Variants in EDIL3 observed in about 807,000 individuals in gnomAD.
EDIL3 encodes EGF-like repeat and discoidin I-like domain-containing protein 3.
Under a neutral mutation model 67.4 loss-of-function variants are expected in EDIL3, and 37 were observed. That is an observed-to-expected ratio of 0.55 (90% CI 0.42 to 0.72). The LOEUF is 0.72. Among genes scored for constraint, EDIL3 ranks in the 30% least tolerant of loss-of-function variants. EDIL3 has a pLI of 0.00. For missense variants in EDIL3, 527 were observed against 586.3 expected, an observed-to-expected ratio of 0.90 and a Z score of 1.04; for synonymous variants, 195 against 196.3, an observed-to-expected ratio of 0.99 and a Z score of 0.05.
intron 9 of EDIL3, among the ~76,000 whole-genome samples, chr5:84,002,771 A>G (rs994769072): frequency 2.0e-5 from 3 of 152,204 alleles, no homozygotes; most frequent in African/African-American, 7.2e-5. Context: ...GGTACTTGCC[A>G]TTGCTGCCTT....
At chr5:84,100,463 C>T (rs1747342356) in intron 6 of EDIL3, among the ~76,000 whole-genome samples, 1 of 151,998 alleles carries the variant, frequency 6.6e-6, no homozygotes, top group Non-Finnish European at 1.5e-5. Flanking sequence ...TCTTAGCAAA[C>T]TAACACAGGA....
intron 4 of EDIL3, among the ~76,000 whole-genome samples, chr5:84,152,516 A>G (rs922493099): frequency 2.6e-5 from 4 of 152,226 alleles, no homozygotes; most frequent in Non-Finnish European, 5.9e-5. Flanking sequence ...TTATGCTATT[A>G]TAAGATTAAT....
chr5:84,371,700 T>C (rs1227813712), intron 1 of EDIL3, among the ~76,000 whole-genome samples: 1 of 151,604 alleles, frequency 6.6e-6, no homozygotes, highest in Admixed American at 6.6e-5. Flanking sequence ...TCTCATATAA[T>C]AGAAGTAAGA....
chr5:84,104,675 G>A (rs2112281358), intron 6 of EDIL3, among the ~76,000 whole-genome samples: 1 of 151,996 alleles, frequency 6.6e-6, no homozygotes, highest in African/African-American at 2.4e-5. Flanking sequence ...TTTAACTATT[G>A]TTCTTAAGAG....
At chr5:84,336,872 C>T (rs1277726436) in intron 1 of EDIL3, among the ~76,000 whole-genome samples, 1 of 151,566 alleles carries the variant, frequency 6.6e-6, no homozygotes, top group Non-Finnish European at 1.5e-5. Flanking sequence ...AACTCTGAGA[C>T]AAATTTTTAA....
intron 3 of EDIL3, among the ~76,000 whole-genome samples, chr5:84,212,603 G>T (rs1744146927): frequency 6.6e-6 from 1 of 152,060 alleles, no homozygotes; most frequent in Non-Finnish European, 1.5e-5. Context: ...AATCAATACG[G>T]GTTACAGGAA....
At chr5:84,278,377 C>T (rs1291663930) in intron 1 of EDIL3, among the ~76,000 whole-genome samples, 2 of 152,026 alleles carry the variant, frequency 1.3e-5, no homozygotes, top group Non-Finnish European at 2.9e-5. Flanking sequence ...AGCATCAAAC[C>T]TGGCATGAAG....
intron 1 of EDIL3, among the ~76,000 whole-genome samples, chr5:84,312,455 G>A (rs1294887240): frequency 2.1e-4 from 30 of 146,192 alleles, no homozygotes; most frequent in Admixed American, 1.3e-4. Flanking sequence ...CAGTAGGGGC[G>A]GCCGGGCAGA....
At chr5:84,237,908 A>G (rs1397553412) in intron 2 of EDIL3, among the ~76,000 whole-genome samples, 1 of 152,168 alleles carries the variant, frequency 6.6e-6, no homozygotes, top group Non-Finnish European at 1.5e-5. Context: ...TCTGATGTCC[A>G]ATAGCACAAA....
intron 3 of EDIL3, among the ~76,000 whole-genome samples, chr5:84,219,465 G>C (rs757222958): frequency 3.9e-5 from 6 of 152,192 alleles, no homozygotes; most frequent in Non-Finnish European, 8.8e-5. Context: ...ACAAATGCCA[G>C]TGAGGACGTG....
intron 1 of EDIL3, among the ~76,000 whole-genome samples, chr5:84,358,420 G>A (rs1390579885): frequency 3.3e-5 from 5 of 151,960 alleles, no homozygotes; most frequent in African/African-American, 4.8e-5. Flanking sequence ...ATTGTGCCAC[G>A]ATATATTGAA....
Position 84,033,530 on chromosome 5 carries a change from G to A in EDIL3, c.1137+26770C>T, listed in dbSNP as rs564948418. Among the ~76,000 whole-genome samples, 46 of 151,718 alleles carry A rather than the reference G, an allele frequency of 3.0e-4. 2 individuals carry two copies. The East Asian group carries it at 8.0e-3, about 26-fold the overall frequency. ...TTCAAGACCAGCATGACAAAACCCCGTCTCTACCTAAAAGAACAATAAAAT... is the reference window on the plus strand; with the variant it reads ...TTCAAGACCAGCATGACAAAACCCCATCTCTACCTAAAAGAACAATAAAAT... On this transcript the variant is annotated intron_variant, in intron 9 of 10. Transcript: ENST00000296591.
chr5:84,246,988 A>G (rs1744920807), intron 2 of EDIL3, among the ~76,000 whole-genome samples: 1 of 152,188 alleles, frequency 6.6e-6, no homozygotes, highest in African/African-American at 2.4e-5. Flanking sequence ...ATTTGTTTGT[A>G]TGAACTTATA....
At chr5:84,351,291 T>C (rs946977548) in intron 1 of EDIL3, among the ~76,000 whole-genome samples, 1 of 152,166 alleles carries the variant, frequency 6.6e-6, no homozygotes, top group Admixed American at 6.6e-5. Flanking sequence ...CAGTATTATC[T>C]GCTCCAAAAT....
At chr5:84,352,248 T>G (rs1420800842) in intron 1 of EDIL3, among the ~76,000 whole-genome samples, 1 of 152,140 alleles carries the variant, frequency 6.6e-6, no homozygotes, top group Non-Finnish European at 1.5e-5. Flanking sequence ...GAGCCAAAGA[T>G]AGAACTACCA....
At chr5:84,298,894 T>G (rs2173698) in intron 1 of EDIL3, among the ~76,000 whole-genome samples, 49,244 of 152,018 alleles carry the variant, frequency 0.32, 8,237 homozygotes, top group Non-Finnish European at 0.35. Flanking sequence ...TTGGGGCGCA[T>G]CAAGGATCAG....
At chr5:84,301,821 G>T (rs946710183) in intron 1 of EDIL3, among the ~76,000 whole-genome samples, 7 of 152,114 alleles carry the variant, frequency 4.6e-5, no homozygotes, top group Non-Finnish European at 8.8e-5. Context: ...TAGAAAAGAG[G>T]AAGATGAAAA....
rs752699834 is a variant in EDIL3 at position 83,943,277 on chromosome 5, C to T, written c.*142G>A. On this transcript the variant is annotated 3_prime_UTR_variant, in exon 11 of 11. Transcript: ENST00000296591. ...CAGGCTTAGACCCCCTTAAAAACACCGTTAGTTGCCTACCATAATTTGAGC... is the reference window on the plus strand; with the variant it reads ...CAGGCTTAGACCCCCTTAAAAACACTGTTAGTTGCCTACCATAATTTGAGC... The T allele has an allele frequency of 2.6e-4, 296 of 1,119,784 alleles. No homozygotes were observed. The highest frequency in any genetic ancestry group is 3.1e-4 in the Non-Finnish European group (248 of 795,486). 69.4% of individuals were successfully genotyped at this position (1,119,784 alleles called of 1,614,324 possible).
At chr5:84,342,303 T>C (rs983621466) in intron 1 of EDIL3, among the ~76,000 whole-genome samples, 1 of 152,046 alleles carries the variant, frequency 6.6e-6, no homozygotes, top group Non-Finnish European at 1.5e-5. Flanking sequence ...TTAAATAATG[T>C]GTACACATGG....
Sources: gnomAD v4.1 joint callset for allele counts (sites outside exome capture counted in the v4.1 genomes callset) on GRCh38, gnomAD v4.1.1 for gene constraint, MANE v1.5 for transcripts, NCBI Gene and HGNC (gene_info 2026-07-23, HGNC 2026-07-21) for gene names.